Variants in AAK1 observed in about 807,000 individuals in gnomAD.
AAK1 encodes AP2-associated protein kinase 1.
A neutral mutation model predicts 116.0 loss-of-function variants in AAK1; 37 were observed. The observed-to-expected ratio is 0.32, with a 90% CI of 0.25 to 0.42. The LOEUF is 0.42. Ranked by LOEUF, AAK1 falls within the 10% of genes least tolerant of loss-of-function variation. The probability of loss-of-function intolerance (pLI) is 1.00; values close to 1 mark genes in which losing one functional copy is unlikely to be tolerated. For synonymous variants in AAK1, 458 were observed against 439.9 expected (o/e 1.04, Z -0.51); for missense variants, 919 against 1,170.6 (o/e 0.79, Z 3.14).
intron 8 of AAK1, 59 bp downstream of exon 8, chr2:69,529,949 C>T (rs1670184598): frequency 1.4e-6 from 2 of 1,381,676 alleles, no homozygotes; most frequent in Admixed American, 2.8e-5. Context: ...CCTTTATCCC[C>T]CAATTCATTC....
At position 69,564,195 on chromosome 2, in the gene AAK1, AAAAAAAG is replaced by A. The variant is rs577175240; in HGVS notation, c.164-7224_164-7218del. The stretch of plus-strand genomic sequence containing the variant: ...TGACAGAGTGAGACTCCATCTCAAA[AAAAAAAG>A]AAAAAAGAAAAAAGAAAAGAAAAGA... On this transcript the variant is annotated intron_variant, in intron 2 of 21. Transcript: ENST00000409085. Among the ~76,000 whole-genome samples, 46 of 152,186 alleles carry A rather than the reference AAAAAAAG, an allele frequency of 3.0e-4. No individual in the cohort carries two copies. The South Asian group carries it at 3.7e-3, about 12-fold the overall frequency.
rs1421525780 is a variant in AAK1, at chr2:69,475,380, A to G, written c.*489T>C. 3 of 989,636 alleles carry G rather than the reference A, an allele frequency of 3.0e-6. No individual in the cohort carries two copies. Among genetic ancestry groups the G allele is most frequent in the Non-Finnish European group, 3.6e-6 (3 of 832,402 alleles). The allele number at this position is 989,636 out of a possible 1,614,324, so 61.3% of individuals were successfully genotyped here. Reference sequence around the variant, plus strand: ...CAGGCTACTGCCTAGAGTTAAGACCAACTGAAGTAGCCATGTCCTCATGAT... The same window carrying G: ...CAGGCTACTGCCTAGAGTTAAGACCGACTGAAGTAGCCATGTCCTCATGAT... On this transcript the variant is annotated 3_prime_UTR_variant, in exon 22 of 22. Coordinates refer to ENST00000409085, the MANE Select transcript of AAK1 (RefSeq NM_014911.5).
At chr2:69,555,684 T>C (rs935204550) in intron 3 of AAK1, among the ~76,000 whole-genome samples, 1 of 152,212 alleles carries the variant, frequency 6.6e-6, no homozygotes, top group African/African-American at 2.4e-5. Context: ...TGTTGGAGCA[T>C]ACAATTTCTG....
chr2:69,465,353 C>A lies in AAK1; in HGVS notation c.*10516G>T. 8.6e-7 allele frequency: 1 copy of A among 1,169,154 alleles called. No homozygotes were observed. Among genetic ancestry groups the A allele is most frequent in the Non-Finnish European group, 1.1e-6 (1 of 918,442 alleles). 72.4% of individuals were successfully genotyped at this position (1,169,154 alleles called of 1,614,324 possible). On this transcript the variant is annotated 3_prime_UTR_variant, in exon 22 of 22. Transcript: ENST00000409085. ...CTGATAATATTTCTTCTTCAGAAGG[C>A]TAAGCTGGGAGTGCCATGGCGGGTA...
chr2:69,639,179 T>C (rs1379538099), intron 2 of AAK1, among the ~76,000 whole-genome samples: 2 of 152,226 alleles, frequency 1.3e-5, no homozygotes, highest in African/African-American at 2.4e-5. Context: ...GTCCACCTTA[T>C]AGTTCCAGAA....
intron 2 of AAK1, among the ~76,000 whole-genome samples, chr2:69,590,467 C>T (rs1177940227): frequency 2.6e-5 from 4 of 152,176 alleles, no homozygotes; most frequent in African/African-American, 7.2e-5. Flanking sequence ...ACTGCCATTC[C>T]GCAGTGCCTG....
chr2:69,593,608 A>G (rs1673131194), intron 2 of AAK1, among the ~76,000 whole-genome samples: 1 of 152,160 alleles, frequency 6.6e-6, no homozygotes, highest in Non-Finnish European at 1.5e-5. Flanking sequence ...AATTAAATCT[A>G]TGGGTGATAT....
chr2:69,515,027 G>C (rs1392626387), intron 12 of AAK1, among the ~76,000 whole-genome samples: 1 of 152,164 alleles, frequency 6.6e-6, no homozygotes, highest in Non-Finnish European at 1.5e-5. Flanking sequence ...TTGCCTAAGG[G>C]AAGCTATCTG....
Position 69,643,582 on chromosome 2 carries a change from G to A in AAK1, c.-242C>T. 3.3e-6 allele frequency: 4 copies of A among 1,228,438 alleles called. No homozygotes were observed. The highest frequency in any genetic ancestry group is 3.1e-4 in the Middle Eastern group (1 of 3,192). The allele number at this position is 1,228,438 out of a possible 1,614,324, so 76.1% of individuals were successfully genotyped here. A position where few individuals can be genotyped will look rare whatever the true frequency, so the allele number is the denominator to read the frequency against. On this transcript the variant is annotated 5_prime_UTR_variant, in exon 1 of 22. Coordinates refer to ENST00000409085, the MANE Select transcript of AAK1 (RefSeq NM_014911.5). The stretch of plus-strand genomic sequence containing the variant: ...CATCCTGGCAGCACCCACTTGAGAC[G>A]GCTCGGCGGCCGGCGCCCTGCTACC...
chr2:69,574,151 G>A (rs1225411871), intron 2 of AAK1, among the ~76,000 whole-genome samples: 1 of 151,834 alleles, frequency 6.6e-6, no homozygotes, highest in African/African-American at 2.4e-5. Flanking sequence ...TGGATCACTT[G>A]AGGTCAGGAG....
chr2:69,481,393 C>A (rs1675082527), intron 18 of AAK1: 1 of 152,806 alleles, frequency 6.5e-6, no homozygotes, highest in Admixed American at 6.5e-5. Context: ...CTGAAAGGCA[C>A]CTTAATTTTT....
intron 1 of AAK1, 96 bp downstream of exon 1, chr2:69,643,479 G>C (rs1675847032): frequency 8.2e-7 from 1 of 1,213,738 alleles, no homozygotes; most frequent in African/African-American, 1.6e-5. Context: ...GGAGGGATCC[G>C]AGCTGCTCCG....
chr2:69,525,218 T>A (rs768686793), intron 9 of AAK1, 106 bp from the exon 10 acceptor site: 2 of 1,121,264 alleles, frequency 1.8e-6, no homozygotes, highest in Non-Finnish European at 2.6e-6. Flanking sequence ...AAACACATTT[T>A]GGGATCTTCT....
At chr2:69,481,062 C>G (rs992591467) in intron 18 of AAK1, 101 bp from the exon 19 acceptor site, 20 of 1,049,310 alleles carry the variant, frequency 1.9e-5, no homozygotes, top group Non-Finnish European at 2.7e-5. Context: ...TTTTAATTCT[C>G]ATTTTTTGAG....
chr2:69,610,034 G>C (rs1251813260), intron 2 of AAK1, among the ~76,000 whole-genome samples: 4 of 133,578 alleles, frequency 3.0e-5, no homozygotes, highest in African/African-American at 1.1e-4. Flanking sequence ...CTGGGCGACA[G>C]AGTGAGACTC....
intron 2 of AAK1, among the ~76,000 whole-genome samples, chr2:69,589,153 G>C (rs1672915405): frequency 6.6e-6 from 1 of 152,222 alleles, no homozygotes; most frequent in South Asian, 2.1e-4. Flanking sequence ...TGGCCGACTG[G>C]AGAGGAGTTG....
chr2:69,522,075 C>T (rs764487143), intron 10 of AAK1, among the ~76,000 whole-genome samples: 19 of 152,288 alleles, frequency 1.2e-4, no homozygotes, highest in Non-Finnish European at 2.4e-4. Context: ...CTGCTTGCTC[C>T]CTGTGAGGGG....
chr2:69,571,321 G>A (rs1448599032), intron 2 of AAK1, among the ~76,000 whole-genome samples: 9 of 152,202 alleles, frequency 5.9e-5, no homozygotes, highest in African/African-American at 2.2e-4. Context: ...CAACCATGTA[G>A]ACTAGGCTGA....
In AAK1 at chr2:69,544,480, C is replaced by T. The variant is rs1252146337; in HGVS notation, c.347G>A (p.Ser116Asn). 3.1e-6 allele frequency: 5 copies of T among 1,613,756 alleles called. No individual in the cohort carries two copies. Among genetic ancestry groups the T allele is most frequent in the Non-Finnish European group, 4.2e-6 (5 of 1,179,816 alleles). ...AATGAGCACTTCCCATACATCACCG[C>T]TACTCACGTTGTTGATACTAGAATC... is the stretch of plus-strand genomic sequence containing the variant. Reference protein sequence around the residue: ...YIDSSINNVSSGDVWEVLILM... With the variant: ...YIDSSINNVSNGDVWEVLILM... The change falls in exon 4 of 22, where the codon AGC (serine) becomes AAC (asparagine). Residue 116 changes from serine to asparagine, a missense_variant. This residue lies in a region of AAK1 where 317 missense variants were observed against 490.4 expected (regional missense o/e 0.65). Transcript: ENST00000409085.
Sources: allele counts gnomAD v4.1 joint callset (sites outside exome capture counted in the v4.1 genomes callset), GRCh38; gene constraint gnomAD v4.1.1; regional missense constraint gnomAD v4.1.1; transcripts MANE v1.5; gene names NCBI Gene and HGNC (gene_info 2026-07-23, HGNC 2026-07-21).